FAF2: variants seen among roughly 807,000 people sequenced by gnomAD.
FAF2 encodes the protein FAS-associated factor 2.
FAF2 carries 9 observed loss-of-function variants against 62.3 expected under a neutral mutation model. The observed-to-expected ratio is 0.14, with a 90% confidence interval of 0.09 to 0.25. FAF2 has a LOEUF of 0.25. FAF2 is among the 10% of genes least tolerant of loss of function. FAF2 has a pLI of 1.00. For missense variants in FAF2, 368 were observed against 556.2 expected (o/e 0.66, Z 3.40); for synonymous variants, 202 against 198.0 (o/e 1.02, Z -0.17).
chr5:176,489,950 C>G (rs1758945270), intron 4 of FAF2, among the ~76,000 whole-genome samples: 1 of 152,180 alleles, frequency 6.6e-6, no homozygotes, highest in South Asian at 2.1e-4. Flanking sequence ...TTTCTTCTAG[C>G]TTCCTTCATG....
chr5:176,472,107 G>T (rs1758581286), intron 1 of FAF2, among the ~76,000 whole-genome samples: 1 of 151,892 alleles, frequency 6.6e-6, no homozygotes, highest in Non-Finnish European at 1.5e-5. Context: ...CCAGACATCT[G>T]TAGGGTTTTA....
At chr5:176,484,752 A>G (rs915855196) in intron 2 of FAF2, among the ~76,000 whole-genome samples, 6 of 152,038 alleles carry the variant, frequency 3.9e-5, no homozygotes, top group Admixed American at 3.3e-4. Context: ...TTAGCTGGGC[A>G]CAGTGGCAGG....
At position 176,478,847 on chromosome 5, in the gene FAF2, A is replaced by T. The variant is rs150775268; in HGVS notation, c.64-341A>T. Among the ~76,000 whole-genome samples the T allele has an allele frequency of 2.3e-3, 357 of 152,370 alleles. 2 individuals are homozygous for T. Among genetic ancestry groups the T allele is most frequent in the African/African-American group, 8.3e-3 (346 of 41,594 alleles). On this transcript the variant is annotated intron_variant, in intron 1 of 10. Coordinates refer to ENST00000261942, the MANE Select transcript of FAF2 (RefSeq NM_014613.3). ...GGGATGCTCAACCTGTACTATCAAC[A>T]GAATAGCTGTTTAGCATTAAATAAT...
At chr5:176,487,538 A>T (rs543807945) in intron 3 of FAF2, among the ~76,000 whole-genome samples, 1 of 152,290 alleles carries the variant, frequency 6.6e-6, no homozygotes, top group South Asian at 2.1e-4. Flanking sequence ...TCTGAAGTAC[A>T]GTAGCAGATT....
chr5:176,465,432 A>G (rs377047471), intron 1 of FAF2, among the ~76,000 whole-genome samples: 3 of 147,588 alleles, frequency 2.0e-5, no homozygotes, highest in Admixed American at 1.4e-4. Flanking sequence ...CAATGACACA[A>G]TCTTGGCTCA....
At chr5:176,466,652 G>A (rs1238641709) in intron 1 of FAF2, among the ~76,000 whole-genome samples, 2 of 152,178 alleles carry the variant, frequency 1.3e-5, no homozygotes, top group African/African-American at 2.4e-5. Flanking sequence ...GAGATAGATC[G>A]GGATCACAGT....
At position 176,509,872 on chromosome 5, in the gene FAF2, C is replaced by T. The variant is rs182394656; in HGVS notation, c.*2922C>T. ...TATCCGGTGCTTGAACAAGGAGCTC[C>T]GCTCTACAACTGGTTTTTTTAGGAC... On this transcript the variant is annotated 3_prime_UTR_variant, in exon 11 of 11. Coordinates refer to ENST00000261942, the MANE Select transcript of FAF2 (RefSeq NM_014613.3). The T allele has an allele frequency of 1.1e-3, 161 of 152,762 alleles. 1 individual carries two copies. The highest frequency in any genetic ancestry group is 3.7e-3 in the African/African-American group (153 of 41,570). The allele number at this position is 152,762 out of a possible 1,614,324, so 9.5% of individuals were successfully genotyped here.
Position 176,456,887 on chromosome 5 carries a change from A to G in FAF2, c.63+8417A>G, listed in dbSNP as rs150177348. Among the ~76,000 whole-genome samples the G allele has an allele frequency of 1.3e-4, 20 of 152,320 alleles. No homozygotes were observed. In the East Asian group the frequency reaches 3.9e-3, roughly 29 times the overall value. ...TATGTTGCTGAATCTGTTCAAGAAC[A>G]TAGTTATATCTTGGAAAGGTTTTGA... On this transcript the variant is annotated intron_variant, in intron 1 of 10. Coordinates refer to ENST00000261942, the MANE Select transcript of FAF2 (RefSeq NM_014613.3).
At chr5:176,466,046 A>C (rs1758461663) in intron 1 of FAF2, among the ~76,000 whole-genome samples, 1 of 152,234 alleles carries the variant, frequency 6.6e-6, no homozygotes, top group Admixed American at 6.5e-5. Flanking sequence ...TAAGGGTTTC[A>C]ATACTTACAG....
intron 1 of FAF2, among the ~76,000 whole-genome samples, chr5:176,476,735 C>T (rs1184577841): frequency 1.4e-5 from 2 of 144,722 alleles, no homozygotes; most frequent in African/African-American, 5.2e-5. Context: ...TGGGTTCAAG[C>T]GATTCCCCCA....
At chr5:176,484,543 A>G (rs1758839929) in intron 2 of FAF2, among the ~76,000 whole-genome samples, 1 of 152,172 alleles carries the variant, frequency 6.6e-6, no homozygotes, top group Non-Finnish European at 1.5e-5. Context: ...AGGAGTAGTG[A>G]TGCTGGCAAC....
rs530334469 is a variant in FAF2, at chr5:176,450,949, T to C, written c.63+2479T>C. On this transcript the variant is annotated intron_variant, in intron 1 of 10. Coordinates refer to ENST00000261942, the MANE Select transcript of FAF2 (RefSeq NM_014613.3). ...GAGGGAAATGCATCTTTCATTTTTC[T>C]ATTCTATAAGCAATCGCTGGATCAG... Among the ~76,000 whole-genome samples the C allele has an allele frequency of 4.6e-5, 7 of 152,340 alleles. No homozygotes were observed. The South Asian group carries it at 1.4e-3, about 32-fold the overall frequency.
At chr5:176,468,515 C>T (rs1054343117) in intron 1 of FAF2, among the ~76,000 whole-genome samples, 4 of 151,794 alleles carry the variant, frequency 2.6e-5, no homozygotes, top group African/African-American at 7.3e-5. Context: ...ACCCGGGAGG[C>T]GCAGCTTGCA....
chr5:176,473,207 C>G (rs1426712757), intron 1 of FAF2, among the ~76,000 whole-genome samples: 2 of 152,160 alleles, frequency 1.3e-5, no homozygotes, highest in African/African-American at 4.8e-5. Flanking sequence ...GTAGTCACAT[C>G]TTAGGTTCCT....
rs1046754790 is a variant in FAF2, at chr5:176,507,163, G to T, written c.*213G>T. The T allele has an allele frequency of 8.6e-5, 31 of 361,196 alleles. No homozygotes were observed. The Middle Eastern group carries it at 1.1e-3, about 13-fold the overall frequency. 22.4% of individuals were successfully genotyped at this position (361,196 alleles called of 1,614,324 possible). The stretch of plus-strand genomic sequence containing the variant: ...AGTCACAACCTGTGTGTGCGCGCAA[G>T]GTTAGCAACAAACGTACCCGCTTGG... On this transcript the variant is annotated 3_prime_UTR_variant, in exon 11 of 11. Transcript: ENST00000261942.
intron 1 of FAF2, among the ~76,000 whole-genome samples, chr5:176,449,945 C>T (rs1364942294): frequency 6.6e-6 from 1 of 152,122 alleles, no homozygotes; most frequent in African/African-American, 2.4e-5. Flanking sequence ...AAATAAAATG[C>T]TTAGGTTACA....
intron 8 of FAF2, among the ~76,000 whole-genome samples, chr5:176,497,621 G>T (rs1210778308): frequency 2.0e-5 from 3 of 151,688 alleles, no homozygotes; most frequent in Non-Finnish European, 2.9e-5. Context: ...GATTATTTTC[G>T]GTTTGTTACT....
intron 1 of FAF2, among the ~76,000 whole-genome samples, chr5:176,454,554 G>C (rs1249420566): frequency 1.5e-5 from 2 of 129,510 alleles, no homozygotes; most frequent in Middle Eastern, 4.6e-3. Flanking sequence ...CTCTAACCTG[G>C]GCAACAGAGC....
At chr5:176,499,954 G>A (rs963842904) in intron 9 of FAF2, 49 bp from the exon 10 acceptor site, 2 of 1,600,712 alleles carry the variant, frequency 1.2e-6, no homozygotes, top group African/African-American at 1.3e-5. Flanking sequence ...CATGGTCATT[G>A]TATTTATTTC....
Sources: gnomAD v4.1 joint callset for allele counts (sites outside exome capture counted in the v4.1 genomes callset) on GRCh38, gnomAD v4.1.1 for gene constraint, MANE v1.5 for transcripts, NCBI Gene and HGNC (gene_info 2026-07-23, HGNC 2026-07-21) for gene names.